The following INCENP variants were observed in gnomAD, a reference collection of about 807,000 sequenced individuals.
INCENP encodes inner centromere protein.
A neutral mutation model predicts 107.3 loss-of-function variants in INCENP; 43 were observed. That is an observed-to-expected ratio of 0.40 (90% confidence interval 0.31 to 0.52). The LOEUF is 0.52. Ranked by LOEUF, INCENP falls within the 20% of genes least tolerant of loss-of-function variation. INCENP has a pLI of 0.53. For missense variants in INCENP, 1,089 were observed against 1,250.9 expected (o/e 0.87, Z 1.95); for synonymous variants, 488 against 494.4 (o/e 0.99, Z 0.17).
chr11:62,129,389 C>T (rs1472738723), intron 3 of INCENP, among the ~76,000 whole-genome samples: 1 of 152,200 alleles, frequency 6.6e-6, no homozygotes, highest in African/African-American at 2.4e-5. Flanking sequence ...ATTTCTGCCT[C>T]TCTGAGCCTC....
At position 62,130,394 on chromosome 11, in the gene INCENP, C is replaced by G; in HGVS notation, c.867C>G (p.Asn289Lys). ...TGCTGGCTCCCATCCTGCCGGATAA[C>G]TTCTCCACGCCCACGGGCTCTCGCA... Reference protein sequence around the residue: ...ERVLAPILPDNFSTPTGSRTD... With the variant: ...ERVLAPILPDKFSTPTGSRTD... The change falls in exon 4 of 19, where the codon AAC becomes AAG. Residue 289 changes from asparagine (N) to lysine (K), a missense_variant. By Grantham distance (94) the Asn-to-Lys change is moderately conservative (BLOSUM62 0). Transcript: ENST00000394818. 6.2e-7 allele frequency: 1 copy of G among 1,613,208 alleles called. No individual in the cohort carries two copies. Among genetic ancestry groups the G allele is most frequent in the Non-Finnish European group, 8.5e-7 (1 of 1,180,014 alleles).
chr11:62,140,658 G>T, intron 8 of INCENP, 46 bp from the exon 9 acceptor site: 1 of 1,481,334 alleles, frequency 6.8e-7, no homozygotes, highest in Non-Finnish European at 9.2e-7. Context: ...GGTGTGGCTG[G>T]GCTGTGGCGG....
In INCENP at chr11:62,149,985, G is replaced by GC. The variant is rs1944338371; in HGVS notation, c.2392-68dup. The GC allele has an allele frequency of 4.1e-6, 6 of 1,471,484 alleles. No homozygotes were observed. In the Admixed American group the frequency reaches 1.1e-4, roughly 26 times the overall value. 91.2% of individuals were successfully genotyped at this position (1,471,484 alleles called of 1,614,324 possible). On this transcript the variant is annotated intron_variant, in intron 17 of 18. Coordinates refer to ENST00000394818, the MANE Select transcript of INCENP (RefSeq NM_001040694.2). ...TGTGAAATAGGAGGAGGTGAGCAGT[G>GC]CCCCAGCACTCCTCGGTGGTGAGAG...
intron 18 of INCENP, 34 bp from the exon 19 acceptor site, chr11:62,151,728 C>T (rs372339753): frequency 1.6e-4 from 254 of 1,585,466 alleles, no homozygotes; most frequent in Non-Finnish European, 2.1e-4. Flanking sequence ...CATGGAGAGC[C>T]CCAAGGCAGT....
At chr11:62,124,425 C>CTTGTT (rs141157640) in intron 1 of INCENP, among the ~76,000 whole-genome samples, 79,308 of 151,612 alleles carry the variant, frequency 0.52, 22,869 homozygotes, top group Non-Finnish European at 0.66. Context: ...TGCTTGGCAC[C>CTTGTT]TTGTGCCTGT....
intron 2 of INCENP, 34 bp from the exon 3 acceptor site, chr11:62,128,736 C>T: frequency 6.8e-7 from 1 of 1,468,884 alleles, no homozygotes; most frequent in South Asian, 1.1e-5. Flanking sequence ...GGTTCCCAGG[C>T]AGCCTCGAGT....
chr11:62,150,651 A>G (rs76116978), intron 18 of INCENP, among the ~76,000 whole-genome samples: 5,350 of 152,286 alleles, frequency 0.035, 292 homozygotes, highest in African/African-American at 0.12. Context: ...TCGGGGAGGC[A>G]GGAAAGTCCT....
At chr11:62,137,908 AGGTAGG>A in intron 5 of INCENP, 25 bp downstream of exon 5, 1 of 1,606,660 alleles carries the variant, frequency 6.2e-7, no homozygotes, top group Non-Finnish European at 8.5e-7. Context: ...AGGGCTTCGG[AGGTAGG>A]CAGGGCATAC....
In INCENP at chr11:62,145,042, A is replaced by G; in HGVS notation, c.1666A>G (p.Arg556Gly). ...RRKEEAEQLRRQKVEEDKRRR... is the reference protein window; with the variant it reads ...RRKEEAEQLRGQKVEEDKRRR... Reference sequence around the variant, plus strand: ...GAAGGAGGAGGCCGAGCAGCTGCGCAGGCAGAAGGTGGAGGAGGACAAGCG... The same window carrying G: ...GAAGGAGGAGGCCGAGCAGCTGCGCGGGCAGAAGGTGGAGGAGGACAAGCG... The change falls in exon 12 of 19, where the codon AGG becomes GGG. Residue 556 changes from arginine (R) to glycine (G), a missense_variant. By Grantham distance (125) the Arg-to-Gly change is moderately radical (BLOSUM62 -2). Coordinates refer to ENST00000394818, the MANE Select transcript of INCENP (RefSeq NM_001040694.2). 6.2e-7 allele frequency: 1 copy of G among 1,611,926 alleles called. No individual in the cohort carries two copies. Among genetic ancestry groups the G allele is most frequent in the Non-Finnish European group, 8.5e-7 (1 of 1,179,376 alleles).
chr11:62,139,738 A>AG (rs1312974906), intron 7 of INCENP, among the ~76,000 whole-genome samples: 2 of 152,252 alleles, frequency 1.3e-5, no homozygotes, highest in Non-Finnish European at 2.9e-5. Flanking sequence ...ATGGCCCAGG[A>AG]GGGGTGGAAT....
At chr11:62,131,056 C>T (rs557452252) in intron 4 of INCENP, among the ~76,000 whole-genome samples, 8 of 152,300 alleles carry the variant, frequency 5.3e-5, no homozygotes, top group Non-Finnish European at 7.3e-5. Context: ...ACCGGGTTTG[C>T]GCGCCGCCTA....
intron 4 of INCENP, among the ~76,000 whole-genome samples, chr11:62,135,050 CA>C (rs974657611): frequency 3.5e-4 from 51 of 144,590 alleles, no homozygotes; most frequent in South Asian, 1.5e-3. Context: ...GACTCTGTCT[CA>C]AAAAAAAAAA....
intron 1 of INCENP, among the ~76,000 whole-genome samples, chr11:62,125,309 C>T (rs1590599441): frequency 6.6e-6 from 1 of 152,250 alleles, no homozygotes; most frequent in East Asian, 1.9e-4. Context: ...CTTTCATGGA[C>T]TTTGTGAAAG....
At position 62,153,027 on chromosome 11, in the gene INCENP, C is replaced by T. The variant is rs1944408652; in HGVS notation, c.*1051C>T. 6.6e-6 allele frequency: 1 copy of T among 152,216 alleles called. No homozygotes were observed. The highest frequency in any genetic ancestry group is 2.1e-4 in the South Asian group (1 of 4,834). 9.4% of individuals were successfully genotyped at this position (152,216 alleles called of 1,614,324 possible). A position where few individuals can be genotyped will look rare whatever the true frequency, so the allele number is the denominator to read the frequency against. On this transcript the variant is annotated 3_prime_UTR_variant, in exon 19 of 19. Transcript: ENST00000394818. Reference sequence around the variant, plus strand: ...GAAATGCCCATTTCCATTGTTGTCTCCAGTTGCTCTGCTCCGAGGGCAGTG... The same window carrying T: ...GAAATGCCCATTTCCATTGTTGTCTTCAGTTGCTCTGCTCCGAGGGCAGTG...
chr11:62,129,924 G>T lies in INCENP; in HGVS notation c.397G>T (p.Ala133Ser). The change falls in exon 4 of 19, where the codon GCG becomes TCG. Residue 133 changes from alanine to serine, a missense_variant. Transcript: ENST00000394818. Reference sequence around the variant, plus strand: ...GACCCGTGCTGCGGCTGCAGCTGCCGCGGCTACCATGGCATTGGCTGCACC... The same window carrying T: ...GACCCGTGCTGCGGCTGCAGCTGCCTCGGCTACCATGGCATTGGCTGCACC... ...RVTRAAAAAA[A>S]ATMALAAPSS... The T allele has an allele frequency of 6.2e-7, 1 of 1,613,890 alleles. No homozygotes were observed. Among genetic ancestry groups the T allele is most frequent in the Non-Finnish European group, 8.5e-7 (1 of 1,180,030 alleles).
Position 62,144,979 on chromosome 11 carries a change from C to T in INCENP, c.1606-3C>T. 1 of 1,593,478 alleles carries T rather than the reference C, an allele frequency of 6.3e-7. No homozygotes were observed. Among genetic ancestry groups the T allele is most frequent in the Non-Finnish European group, 8.5e-7 (1 of 1,171,974 alleles). On this transcript the variant is annotated splice_region_variant and splice_polypyrimidine_tract_variant and intron_variant, in intron 11 of 18. Transcript: ENST00000394818. ...CCATCTCCCTCGCTCCCCGCCACCC[C>T]AGGAGAAGGAGCGGCAGCGCCTGGA...
intron 3 of INCENP, 44 bp from the exon 4 acceptor site, chr11:62,129,738 T>C (rs949817471): frequency 1.3e-6 from 2 of 1,513,486 alleles, no homozygotes; most frequent in African/African-American, 1.4e-5. Flanking sequence ...GGTGCCACCC[T>C]GTCCTGCTGC....
chr11:62,151,148 G>A (rs540153990), intron 18 of INCENP, among the ~76,000 whole-genome samples: 4 of 152,224 alleles, frequency 2.6e-5, no homozygotes. Context: ...ACAAGACCCA[G>A]CTGAGGAGTT....
chr11:62,128,865 G>A lies in INCENP; in HGVS notation c.236G>A (p.Arg79Lys). 2 of 1,613,084 alleles carry A rather than the reference G, an allele frequency of 1.2e-6. No individual in the cohort carries two copies. The highest frequency in any genetic ancestry group is 1.7e-6 in the Non-Finnish European group (2 of 1,179,034). Residue 79 changes from arginine (R) to lysine (K), a missense_variant, in exon 3 of 19, where the codon AGA becomes AAA. Physicochemically the swap from Arg to Lys is conservative, Grantham distance 26. Coordinates refer to ENST00000394818, the MANE Select transcript of INCENP (RefSeq NM_001040694.2). ...ATTTCTTATGTTCAGGATGAAAACA[G>A]AGATCCCATCAGGAGAAGGTAGGAG... Reference protein sequence around the residue: ...RRISYVQDENRDPIRRRLSRR... With the variant: ...RRISYVQDENKDPIRRRLSRR...
Sources: allele counts gnomAD v4.1 joint callset (sites outside exome capture counted in the v4.1 genomes callset), GRCh38; gene constraint gnomAD v4.1.1; transcripts MANE v1.5; gene names NCBI Gene and HGNC (gene_info 2026-07-23, HGNC 2026-07-21).